Variants in MYO5B observed in about 807,000 individuals in gnomAD.
MYO5B encodes unconventional myosin-Vb.
In MYO5B, 143 loss-of-function variants were observed where a neutral mutation model predicts 229.3. The ratio of observed to expected loss-of-function variants is 0.62; its 90% CI spans 0.54 to 0.72. MYO5B has a LOEUF of 0.72. MYO5B is among the 30% of genes least tolerant of loss of function. The pLI is 0.00. For synonymous variants in MYO5B, 918 were observed against 885.2 expected, an observed-to-expected ratio of 1.04 and a Z score of -0.66; for missense variants, 2,321 against 2,331.0, an observed-to-expected ratio of 1.00 and a Z score of 0.09.
At chr18:49,943,576 C>T (rs1401992710) in intron 14 of MYO5B, among the ~76,000 whole-genome samples, 2 of 152,178 alleles carry the variant, frequency 1.3e-5, no homozygotes, top group Admixed American at 6.5e-5. Context: ...TACTAGGTCA[C>T]TGACTGTCAA....
At chr18:50,164,323 A>T (rs2032812576) in intron 1 of MYO5B, among the ~76,000 whole-genome samples, 1 of 152,240 alleles carries the variant, frequency 6.6e-6, no homozygotes, top group South Asian at 2.1e-4. Flanking sequence ...CTCTTCAAAT[A>T]GAGCAAGCCA....
At position 49,887,376 on chromosome 18, in the gene MYO5B, A is replaced by G. The variant is rs191038071; in HGVS notation, c.3046-6921T>C. ...TTCTCAGGTGACCTACTGCTCTGTG[A>G]GCCATCTAGATATTAGGAGGATGTT... On this transcript the variant is annotated intron_variant, in intron 22 of 39. Transcript: ENST00000285039. 3.4e-4 allele frequency among the ~76,000 whole-genome samples: 52 copies of G among 152,176 alleles called. 1 individual carries two copies. The East Asian group carries it at 9.7e-3, about 28-fold the overall frequency.
chr18:50,089,385 GAA>G (rs1005541051), intron 1 of MYO5B, among the ~76,000 whole-genome samples: 1 of 150,088 alleles, frequency 6.7e-6, no homozygotes. Context: ...CTCAAAAAAG[GAA>G]AAAAAAAGTT....
intron 9 of MYO5B, among the ~76,000 whole-genome samples, chr18:49,976,216 C>T (rs997915363): frequency 4.6e-5 from 7 of 152,162 alleles, no homozygotes; most frequent in Non-Finnish European, 8.8e-5. Flanking sequence ...TCTGATGAGG[C>T]TGACTTGTAG....
At chr18:50,102,907 T>C (rs538441507) in intron 1 of MYO5B, among the ~76,000 whole-genome samples, 1 of 152,116 alleles carries the variant, frequency 6.6e-6, no homozygotes, top group East Asian at 1.9e-4. Flanking sequence ...CCAGGAGCAA[T>C]GAAGAGGGAG....
chr18:49,933,811 A>T (rs2025220105), intron 16 of MYO5B, among the ~76,000 whole-genome samples: 1 of 152,218 alleles, frequency 6.6e-6, no homozygotes, highest in East Asian at 1.9e-4. Context: ...TGTAACTAAT[A>T]ACTGTAATCA....
intron 10 of MYO5B, among the ~76,000 whole-genome samples, chr18:49,972,778 G>T (rs1323678261): frequency 6.6e-6 from 1 of 152,042 alleles, no homozygotes; most frequent in African/African-American, 2.4e-5. Context: ...CAACTACAAG[G>T]GCTGAGCACA....
At chr18:50,043,587 T>C (rs1048717397) in intron 2 of MYO5B, among the ~76,000 whole-genome samples, 17 of 131,818 alleles carry the variant, frequency 1.3e-4, no homozygotes, top group African/African-American at 4.9e-4. Flanking sequence ...TATAAAAATA[T>C]ATTTATAAGT....
In MYO5B at chr18:50,176,378, C is replaced by G. The variant is rs2032996566; in HGVS notation, c.27+18389G>C. Among the ~76,000 whole-genome samples, 3 of 152,204 alleles carry G rather than the reference C, an allele frequency of 2.0e-5. No homozygotes were observed. The South Asian group carries it at 6.2e-4, about 32-fold the overall frequency. ...ATGAGCTTGTCAATGGTTCACACAA[C>G]TGAAGTTATTTTTTCTCATTTTGTT... On this transcript the variant is annotated intron_variant, in intron 1 of 39. Coordinates refer to ENST00000285039, the MANE Select transcript of MYO5B (RefSeq NM_001080467.3).
rs537433617 is a variant in MYO5B, at chr18:49,898,533, T to A, written c.2812-3359A>T. ...TACTGAATGACGTCATACCACAGCC[T>A]ATCCCAGGGACACTGCAAGAAATGG... On this transcript the variant is annotated intron_variant, in intron 21 of 39. Transcript: ENST00000285039. Among the ~76,000 whole-genome samples the A allele has an allele frequency of 4.0e-3, 611 of 152,318 alleles. 5 individuals carry two copies. The highest frequency in any genetic ancestry group is 0.014 in the African/African-American group (592 of 41,570).
chr18:49,893,758 G>A (rs2043088450), intron 22 of MYO5B, among the ~76,000 whole-genome samples: 1 of 152,236 alleles, frequency 6.6e-6, no homozygotes, highest in African/African-American at 2.4e-5. Flanking sequence ...GAGGTGGGAA[G>A]AAGATCTATG....
intron 14 of MYO5B, among the ~76,000 whole-genome samples, chr18:49,945,500 G>T (rs370771509): frequency 6.6e-6 from 1 of 151,628 alleles, no homozygotes; most frequent in Non-Finnish European, 1.5e-5. Flanking sequence ...TCCAGCTCAG[G>T]ACTACCCAGC....
chr18:50,078,806 T>C (rs922693092), intron 1 of MYO5B, among the ~76,000 whole-genome samples: 2 of 141,290 alleles, frequency 1.4e-5, no homozygotes, highest in Admixed American at 6.7e-5. Flanking sequence ...GCCCAGCAGC[T>C]TTTTTTTGTA....
chr18:50,043,432 TATATTAA>T (rs1435349490), intron 2 of MYO5B, among the ~76,000 whole-genome samples: 4 of 116,610 alleles, frequency 3.4e-5, no homozygotes, highest in Admixed American at 1.1e-4. Context: ...TATATTTAAA[TATATTAA>T]ATATTAAATA....
chr18:49,986,707 A>G (rs2025874222), intron 7 of MYO5B, among the ~76,000 whole-genome samples: 1 of 152,218 alleles, frequency 6.6e-6, no homozygotes, highest in Non-Finnish European at 1.5e-5. Context: ...GCTTAATAAA[A>G]GTACCAATTT....
chr18:49,997,632 C>T (rs1187500089), intron 5 of MYO5B, among the ~76,000 whole-genome samples: 1 of 152,042 alleles, frequency 6.6e-6, no homozygotes, highest in African/African-American at 2.4e-5. Flanking sequence ...ACAAATCACT[C>T]CTGGGATGCT....
At chr18:50,191,292 A>T (rs1257807550) in intron 1 of MYO5B, among the ~76,000 whole-genome samples, 2 of 152,202 alleles carry the variant, frequency 1.3e-5, no homozygotes, top group Admixed American at 1.3e-4. Context: ...ACCCTAAATG[A>T]TTAAGAACTG....
At chr18:50,035,052 C>T (rs1010927552) in intron 4 of MYO5B, among the ~76,000 whole-genome samples, 12 of 152,118 alleles carry the variant, frequency 7.9e-5, no homozygotes, top group African/African-American at 2.9e-4. Flanking sequence ...ATAATGGGTG[C>T]AAAGGTCTCA....
At chr18:49,914,197 C>A (rs1212420277) in intron 17 of MYO5B, among the ~76,000 whole-genome samples, 1 of 152,188 alleles carries the variant, frequency 6.6e-6, no homozygotes, top group Non-Finnish European at 1.5e-5. Context: ...CAGGCTCCCA[C>A]CCCTAGATGC....
Sources: allele counts gnomAD v4.1 joint callset (sites outside exome capture counted in the v4.1 genomes callset), GRCh38; gene constraint gnomAD v4.1.1; transcripts MANE v1.5; gene names NCBI Gene and HGNC (gene_info 2026-07-23, HGNC 2026-07-21).